Variants in FDFT1 observed in about 807,000 individuals in gnomAD.
The protein encoded by FDFT1 is squalene synthase.
Under a neutral mutation model 46.8 loss-of-function variants are expected in FDFT1, and 68 were observed. That is an observed-to-expected ratio of 1.45 (90% confidence interval 1.19 to 1.78). The LOEUF is 1.78. Among genes scored for constraint, FDFT1 ranks in the 40% most tolerant of loss-of-function variants. The pLI is 0.00. For missense variants in FDFT1, 928 were observed against 524.4 expected (o/e 1.77, Z -7.52); for synonymous variants, 351 against 185.1 (o/e 1.90, Z -7.28).
intron 1 of FDFT1, 76 bp from the exon 2 acceptor site, chr8:11,808,716 TCC>T: frequency 5.3e-6 from 7 of 1,311,080 alleles, no homozygotes; most frequent in African/African-American, 3.7e-5. Flanking sequence ...CCAGTCCCAC[TCC>T]CACTCCCACT....
chr8:11,830,569 C>A (rs1166473992), intron 6 of FDFT1, 149 bp downstream of exon 6: 1 of 626,594 alleles, frequency 1.6e-6, no homozygotes, highest in Non-Finnish European at 2.8e-6. Context: ...ATAGCACCCG[C>A]CTTTGCTTCC....
intron 1 of FDFT1, chr8:11,803,471 C>T (rs1806409341): frequency 2.4e-6 from 3 of 1,268,712 alleles, no homozygotes; most frequent in Non-Finnish European, 3.1e-6. Context: ...CTTCCAAGTT[C>T]CAATGAGTTA....
chr8:11,822,921 G>A (rs1563324529), intron 4 of FDFT1, among the ~76,000 whole-genome samples: 2 of 152,200 alleles, frequency 1.3e-5, no homozygotes, highest in Admixed American at 1.3e-4. Context: ...TTAATTTTAG[G>A]TTGTTGAATA....
At chr8:11,826,316 T>G in intron 5 of FDFT1, 101 bp downstream of exon 5, 1 of 828,490 alleles carries the variant, frequency 1.2e-6, no homozygotes, top group East Asian at 2.6e-5. Flanking sequence ...AAGTCAGGCC[T>G]CCCCCAGGCA....
At chr8:11,819,143 TTGAAAATTCTTTAAGAATGC>T (rs1190487196) in intron 3 of FDFT1, among the ~76,000 whole-genome samples, 4 of 152,196 alleles carry the variant, frequency 2.6e-5, no homozygotes, top group Non-Finnish European at 4.4e-5. Flanking sequence ...AGATTCTGGG[TTGAAAATTCTTTAAGAATGC>T]TGAATATTGG....
At chr8:11,797,822 G>C (rs1805721635), upstream of FDFT1, 1 of 152,222 alleles carries the variant, frequency 6.6e-6, no homozygotes, top group Non-Finnish European at 1.5e-5. Context: ...TGAATTGCTT[G>C]GGCCAAGGCC....
chr8:11,802,366 T>C (rs1316958452), upstream of FDFT1: 2 of 449,266 alleles, frequency 4.5e-6, no homozygotes, highest in African/African-American at 4.0e-5. Context: ...CGCACTGCTC[T>C]CCCGACTGCG....
At chr8:11,802,622 G>A (rs981273648), upstream of FDFT1, 6 of 593,172 alleles carry the variant, frequency 1.0e-5, no homozygotes, top group African/African-American at 7.5e-5. Flanking sequence ...ATCAGCGCCC[G>A]TCAGCCCACC....
chr8:11,828,536 C>A (rs757920983), intron 5 of FDFT1, among the ~76,000 whole-genome samples: 1 of 152,238 alleles, frequency 6.6e-6, no homozygotes, highest in African/African-American at 2.4e-5. Flanking sequence ...GACCACTGTT[C>A]CATTGTCTCC....
In FDFT1 at chr8:11,838,908, G is replaced by C; in HGVS notation, c.*299G>C. 1 of 387,092 alleles carries C rather than the reference G, an allele frequency of 2.6e-6. No individual in the cohort carries two copies. The highest frequency in any genetic ancestry group is 4.8e-6 in the Non-Finnish European group (1 of 210,430). 24.0% of individuals were successfully genotyped at this position (387,092 alleles called of 1,614,324 possible). On this transcript the variant is annotated 3_prime_UTR_variant, in exon 8 of 8. Coordinates refer to ENST00000220584, the MANE Select transcript of FDFT1 (RefSeq NM_004462.5). ...GTCGCTGCATATGTGACTGTCATGA[G>C]ATCCTACTTAGTATGATCCTGGCTA...
chr8:11,834,262 C>T (rs1275408147), intron 7 of FDFT1, among the ~76,000 whole-genome samples: 1 of 152,222 alleles, frequency 6.6e-6, no homozygotes, highest in Non-Finnish European at 1.5e-5. Flanking sequence ...GGCCACACTG[C>T]AGGGCCCTCA....
chr8:11,832,004 G>T lies in FDFT1; in HGVS notation c.1032+334G>T, dbSNP rs549033245. Among the ~76,000 whole-genome samples the T allele has an allele frequency of 3.2e-3, 483 of 152,304 alleles. 1 individual carries two copies. The highest frequency in any genetic ancestry group is 4.6e-3 in the Non-Finnish European group (310 of 68,016). ...GGTGAGGAATGTGAGGTTGAAGCTT[G>T]TCTGTGCTGATGCAGTGCGTGATTG... On this transcript the variant is annotated intron_variant, in intron 7 of 7. Transcript: ENST00000220584.
At chr8:11,816,811 G>T (rs925202125) in intron 3 of FDFT1, among the ~76,000 whole-genome samples, 4 of 152,156 alleles carry the variant, frequency 2.6e-5, no homozygotes, top group African/African-American at 9.7e-5. Flanking sequence ...CATGTCATTT[G>T]CAAACAGGCA....
intron 6 of FDFT1, among the ~76,000 whole-genome samples, chr8:11,830,849 C>G (rs1810677388): frequency 6.6e-6 from 1 of 152,218 alleles, no homozygotes; most frequent in African/African-American, 2.4e-5. Context: ...CCTAGCCTCT[C>G]AGTATGCTAG....
In FDFT1 at chr8:11,802,832, G is replaced by A. The variant is rs761450333; in HGVS notation, c.-1G>A. 1.1e-5 allele frequency: 18 copies of A among 1,608,624 alleles called. No homozygotes were observed. The highest frequency in any genetic ancestry group is 4.5e-5 in the East Asian group (2 of 44,762). ...CCCGGGAGTCCGCCGCCTGCGCCAG[G>A]ATGGAGTTCGTGAAATGCCTTGGCC... is the stretch of plus-strand genomic sequence containing the variant. On this transcript the variant is annotated 5_prime_UTR_variant, in exon 1 of 8. Transcript: ENST00000220584.
At chr8:11,803,412 C>T (rs1158564329) in intron 1 of FDFT1, 6 of 1,288,658 alleles carry the variant, frequency 4.7e-6, no homozygotes, top group Non-Finnish European at 6.1e-6. Flanking sequence ...TGCTGCCTTC[C>T]ATCGCTTCAT....
chr8:11,815,875 G>C (rs182432112), intron 3 of FDFT1, among the ~76,000 whole-genome samples: 1 of 152,188 alleles, frequency 6.6e-6, no homozygotes, highest in Non-Finnish European at 1.5e-5. Context: ...AGTTGAATTA[G>C]ATCCCATTTG....
intron 1 of FDFT1, among the ~76,000 whole-genome samples, chr8:11,806,756 T>G (rs746691180): frequency 6.6e-6 from 1 of 152,160 alleles, no homozygotes; most frequent in Non-Finnish European, 1.5e-5. Context: ...TTCTGTTTCT[T>G]TCACTCTGAA....
At chr8:11,808,373 G>A in intron 1 of FDFT1, 1 of 1,235,018 alleles carries the variant, frequency 8.1e-7, no homozygotes, top group Non-Finnish European at 1.0e-6. Flanking sequence ...GCCGGGGGCG[G>A]GGCTGCGGGG....
Sources: allele counts gnomAD v4.1 joint callset (sites outside exome capture counted in the v4.1 genomes callset), GRCh38; gene constraint gnomAD v4.1.1; transcripts MANE v1.5; gene names NCBI Gene and HGNC (gene_info 2026-07-23, HGNC 2026-07-21).